The following FNBP4 variants were observed in gnomAD, a reference collection of about 807,000 sequenced individuals.
The protein encoded by FNBP4 is formin binding protein 4, also known as formin-binding protein 4.
Under a neutral mutation model 119.3 loss-of-function variants are expected in FNBP4, and 34 were observed. The observed-to-expected ratio is 0.28, with a 90% CI of 0.22 to 0.38. FNBP4 has a LOEUF of 0.38. FNBP4 is among the 10% of genes least tolerant of loss of function. The probability of loss-of-function intolerance (pLI) is 1.00; values close to 1 mark genes in which losing one functional copy is unlikely to be tolerated. For missense variants in FNBP4, 1,112 were observed against 1,228.9 expected, an observed-to-expected ratio of 0.90 and a Z score of 1.42; for synonymous variants, 462 against 430.6, an observed-to-expected ratio of 1.07 and a Z score of -0.90.
chr11:47,754,531 T>C lies in FNBP4; in HGVS notation c.447A>G (p.Leu149=). 1.9e-6 allele frequency: 3 copies of C among 1,613,374 alleles called. No homozygotes were observed. The highest frequency in any genetic ancestry group is 2.5e-6 in the Non-Finnish European group (3 of 1,179,846). The change falls in exon 3 of 17, where the codon CTA becomes CTG. Residue 149 remains leucine, a synonymous_variant. Transcript: ENST00000263773. ...TDIDSTLANF[L]AEIDAITAPQ... is the part of the protein sequence containing the mutation. ...TCCAAACGAAAGCACCACTAACCGC[T>C]AGGAAGTTGGCCAATGTACTATCAA...
intron 2 of FNBP4, 77 bp from the exon 3 acceptor site, chr11:47,754,741 A>G: frequency 2.0e-6 from 3 of 1,511,792 alleles, no homozygotes; most frequent in Middle Eastern, 1.8e-4. Flanking sequence ...CGGAAGTATA[A>G]CATGTTTTTT....
At chr11:47,724,363 G>T in intron 13 of FNBP4, 105 bp downstream of exon 13, 1 of 1,577,014 alleles carries the variant, frequency 6.3e-7, no homozygotes, top group South Asian at 1.2e-5. Flanking sequence ...ATATAGGCGT[G>T]AGCCACCGTG....
In FNBP4 at chr11:47,767,250, G is replaced by A. The variant is rs1159231074; in HGVS notation, c.39C>T (p.Pro13=). The A allele has an allele frequency of 1.9e-6, 3 of 1,567,748 alleles. No homozygotes were observed. ...KKSRAVPGRR[P]ILQLSPPGPR... ...GACCCGGCGGAGAGAGTTGCAGGATGGGCCTACGGCCGGGTACCGCCCGGG... is the reference window on the plus strand; with the variant it reads ...GACCCGGCGGAGAGAGTTGCAGGATAGGCCTACGGCCGGGTACCGCCCGGG... Residue 13 remains proline (P), a synonymous_variant, in exon 1 of 17, where the codon CCC becomes CCT. Transcript: ENST00000263773.
intron 16 of FNBP4, 66 bp downstream of exon 16, chr11:47,719,863 T>TC: frequency 1.3e-6 from 2 of 1,541,438 alleles, no homozygotes; most frequent in South Asian, 2.4e-5. Flanking sequence ...CACAACCTAC[T>TC]CCATCTCATA....
At chr11:47,760,636 G>T (rs770236518) in intron 2 of FNBP4, among the ~76,000 whole-genome samples, 1 of 152,064 alleles carries the variant, frequency 6.6e-6, no homozygotes, top group Non-Finnish European at 1.5e-5. Context: ...ATTTCACCAT[G>T]TTGGCCAGGC....
Position 47,736,681 on chromosome 11 carries a change from C to T in FNBP4, c.1516G>A (p.Glu506Lys). The T allele has an allele frequency of 6.2e-7, 1 of 1,604,294 alleles. No individual in the cohort carries two copies. ...ACTTTTATTTTCTCTGGAGATTCTT[C>T]TACTTCCATCTCTTTATCTGAATTC... The part of the protein sequence containing the change: ...DENSDKEMEV[E>K]ESPEKIKVQT... Residue 506 changes from glutamate (E) to lysine (K), a missense_variant, in exon 9 of 17, where the codon GAA (glutamate) becomes AAA (lysine). By Grantham distance (56) the Glu-to-Lys change is moderately conservative (BLOSUM62 1). This residue lies in a region of FNBP4 where 826 missense variants were observed against 988.8 expected (regional missense o/e 0.84). Coordinates refer to ENST00000263773, the MANE Select transcript of FNBP4 (RefSeq NM_015308.5).
intron 2 of FNBP4, among the ~76,000 whole-genome samples, chr11:47,756,144 A>G (rs2097617393): frequency 6.6e-6 from 1 of 152,184 alleles, no homozygotes; most frequent in African/African-American, 2.4e-5. Flanking sequence ...TCTTCCTCAA[A>G]TTTAAGTGGT....
chr11:47,741,960 A>G (rs750515864), intron 8 of FNBP4, among the ~76,000 whole-genome samples: 6 of 151,444 alleles, frequency 4.0e-5, no homozygotes, highest in East Asian at 2.0e-4. Context: ...AATGTCCATC[A>G]ACAGTGGGCA....
intron 10 of FNBP4, 73 bp downstream of exon 10, chr11:47,733,952 A>G (rs984663435): frequency 3.9e-5 from 26 of 669,034 alleles, no homozygotes; most frequent in Non-Finnish European, 5.9e-5. Context: ...AGCAAGACAG[A>G]ATCGTTAACA....
intron 12 of FNBP4, 106 bp from the exon 13 acceptor site, chr11:47,724,884 A>C (rs2097559336): frequency 7.0e-7 from 1 of 1,428,722 alleles, no homozygotes; most frequent in South Asian, 1.5e-5. Context: ...ATAGGAACCT[A>C]GCACAGTGTA....
Position 47,731,431 on chromosome 11 carries a change from A to C in FNBP4, c.1951T>G (p.Leu651Val), listed in dbSNP as rs763556428. 2.0e-5 allele frequency: 32 copies of C among 1,613,808 alleles called. 1 individual carries two copies. Among genetic ancestry groups the C allele is most frequent in the Non-Finnish European group, 2.5e-5 (30 of 1,179,946 alleles). Residue 651 changes from leucine to valine, a missense_variant, in exon 12 of 17, where the codon TTG becomes GTG. Leu to Val is a conservative substitution (Grantham distance 32). Transcript: ENST00000263773. ...NRDETLAKQT[L>V]KDKTGTDSNS... ...GAATCAGTGCCAGTTTTGTCTTTCA[A>C]GGTCTGTTTGGCAAGAGTCTCATCT...
chr11:47,724,279 G>A, intron 13 of FNBP4, 107 bp from the exon 14 acceptor site: 1 of 1,524,748 alleles, frequency 6.6e-7, no homozygotes, highest in Non-Finnish European at 8.9e-7. Flanking sequence ...ACAAGCTGCA[G>A]TGGTGAGATC....
At chr11:47,720,784 G>A (rs1483649460) in intron 15 of FNBP4, among the ~76,000 whole-genome samples, 6 of 136,098 alleles carry the variant, frequency 4.4e-5, no homozygotes, top group African/African-American at 1.6e-4. Context: ...AAAAAAAAAA[G>A]CTAAAAAATA....
intron 6 of FNBP4, among the ~76,000 whole-genome samples, chr11:47,748,713 G>A (rs954167865): frequency 2.6e-5 from 4 of 151,584 alleles, no homozygotes; most frequent in Admixed American, 2.0e-4. Flanking sequence ...GCAGTGGTGC[G>A]GTCTCAGCTC....
In FNBP4 at chr11:47,767,340, C is replaced by G; in HGVS notation, c.-52G>C. On this transcript the variant is annotated 5_prime_UTR_variant, in exon 1 of 17. Transcript: ENST00000263773. ...GTCGGGCGGCCGAGAGGGGCGGGCA[C>G]TGGAGGCTGGGCGCTGGGCCCTGGG... 7.1e-7 allele frequency: 1 copy of G among 1,417,244 alleles called. No homozygotes were observed. Among genetic ancestry groups the G allele is most frequent in the Non-Finnish European group, 9.2e-7 (1 of 1,089,392 alleles). 87.8% of individuals were successfully genotyped at this position (1,417,244 alleles called of 1,614,324 possible). A position where few individuals can be genotyped will look rare whatever the true frequency, so the allele number is the denominator to read the frequency against.
chr11:47,728,910 T>C (rs936112497), intron 12 of FNBP4, among the ~76,000 whole-genome samples: 1 of 141,248 alleles, frequency 7.1e-6, no homozygotes, highest in African/African-American at 2.6e-5. Context: ...TGGAGTGCAA[T>C]GGCATGATCT....
At chr11:47,739,223 T>A (rs2097578389) in intron 8 of FNBP4, among the ~76,000 whole-genome samples, 1 of 152,058 alleles carries the variant, frequency 6.6e-6, no homozygotes, top group Non-Finnish European at 1.5e-5. Context: ...AGCTATTGCA[T>A]CCGGCCTAAA....
rs2097568714 is a variant in FNBP4, at chr11:47,732,596, T to C, written c.1761A>G (p.Glu587=). The change falls in exon 11 of 17, where the codon GAA becomes GAG. Residue 587 remains glutamate (E), a synonymous_variant. Coordinates refer to ENST00000263773, the MANE Select transcript of FNBP4 (RefSeq NM_015308.5). This position sits in a 1 kb window ranked among gnomAD's most constrained non-coding sequence, Gnocchi z 4.2. ...CGTTTATTTCATACTGTTTTAGTTG[T>C]TCTGCTGCATCCTGAAGTTTTCGTT... ...YLKRKLQDAA[E]QLKQYEINAT... 1.9e-6 allele frequency: 3 copies of C among 1,614,198 alleles called. No individual in the cohort carries two copies. The highest frequency in any genetic ancestry group is 3.3e-5 in the Admixed American group (2 of 60,010).
Position 47,732,053 on chromosome 11 carries a change from G to T in FNBP4, c.1820+484C>A, listed in dbSNP as rs2097568095. 2.0e-6 allele frequency: 2 copies of T among 991,544 alleles called. No individual in the cohort carries two copies. Among genetic ancestry groups the T allele is most frequent in the Admixed American group, 6.0e-5 (1 of 16,574 alleles). 61.4% of individuals were successfully genotyped at this position (991,544 alleles called of 1,614,324 possible). ...GGGAGCTGAAAAATAAAAGAGCAAA[G>T]ATTTCAAATAACGAAAAAAAAATCA... On this transcript the variant is annotated intron_variant, in intron 11 of 16. Coordinates refer to ENST00000263773, the MANE Select transcript of FNBP4 (RefSeq NM_015308.5). The surrounding 1 kb of genome is among the most constrained non-coding windows in gnomAD (Gnocchi z 4.2).
Sources: gnomAD v4.1 joint callset for allele counts (sites outside exome capture counted in the v4.1 genomes callset) on GRCh38, gnomAD v4.1.1 for gene constraint, gnomAD v4.1.1 regional missense constraint, Gnocchi (gnomAD v3.1) non-coding constraint, MANE v1.5 for transcripts, NCBI Gene and HGNC (gene_info 2026-07-23, HGNC 2026-07-21) for gene names.